Variants in B3GALT1 observed in about 807,000 individuals in gnomAD.
B3GALT1 encodes beta-1,3-galactosyltransferase 1, also known as UDP-Gal:betaGlcNAc beta 1,3-galactosyltransferase, polypeptide 1.
In B3GALT1, 10 loss-of-function variants were observed where a neutral mutation model predicts 23.2. That is an observed-to-expected ratio of 0.43 (90% CI 0.27 to 0.73). The LOEUF is 0.73. Among genes scored for constraint, B3GALT1 ranks in the 30% least tolerant of loss-of-function variants. B3GALT1 has a pLI of 0.21. For synonymous variants in B3GALT1, 156 were observed against 141.5 expected (o/e 1.10, Z -0.73); for missense variants, 299 against 405.4 (o/e 0.74, Z 2.25).
intron 2 of B3GALT1, among the ~76,000 whole-genome samples, chr2:167,591,463 A>T (rs1470054823): frequency 4.6e-5 from 7 of 151,916 alleles, no homozygotes; most frequent in Middle Eastern, 3.4e-3. Context: ...TACTTTAATT[A>T]ATTTATTTAT....
chr2:167,657,716 T>C (rs892493498), intron 3 of B3GALT1, among the ~76,000 whole-genome samples: 3 of 152,126 alleles, frequency 2.0e-5, no homozygotes, highest in African/African-American at 7.2e-5. Context: ...GGTACTGTGG[T>C]GTGTAAGGTT....
intron 3 of B3GALT1, among the ~76,000 whole-genome samples, chr2:167,688,514 T>G (rs1009114158): frequency 6.6e-6 from 1 of 151,966 alleles, no homozygotes; most frequent in Non-Finnish European, 1.5e-5. Context: ...AATAATGAAA[T>G]TTTTAAAACT....
At chr2:167,376,365 A>G (rs180925242) in intron 1 of B3GALT1, among the ~76,000 whole-genome samples, 1 of 152,140 alleles carries the variant, frequency 6.6e-6, no homozygotes, top group Non-Finnish European at 1.5e-5. Flanking sequence ...TTTGTAGAAT[A>G]AGTTAGGGAG....
At chr2:167,667,228 G>A (rs1396287683) in intron 3 of B3GALT1, among the ~76,000 whole-genome samples, 24 of 152,134 alleles carry the variant, frequency 1.6e-4, no homozygotes, top group Non-Finnish European at 2.5e-4. Flanking sequence ...TTGGCTGGAT[G>A]TGAAATTCTG....
At chr2:167,634,433 C>A (rs577239570) in intron 2 of B3GALT1, among the ~76,000 whole-genome samples, 6 of 152,024 alleles carry the variant, frequency 3.9e-5, no homozygotes, top group African/African-American at 7.2e-5. Flanking sequence ...AAAAGTTCAA[C>A]AAAATTGATA....
chr2:167,716,723 A>G (rs749702761), intron 3 of B3GALT1, among the ~76,000 whole-genome samples: 16 of 152,176 alleles, frequency 1.1e-4, no homozygotes, highest in Non-Finnish European at 1.9e-4. Context: ...TGTTTTCTGT[A>G]TCAATTCTTG....
intron 3 of B3GALT1, among the ~76,000 whole-genome samples, chr2:167,668,628 C>T (rs949706985): frequency 3.3e-5 from 5 of 152,174 alleles, no homozygotes; most frequent in Admixed American, 2.6e-4. Flanking sequence ...ACCCTCCAAG[C>T]CATGTGGGGG....
intron 3 of B3GALT1, among the ~76,000 whole-genome samples, chr2:167,767,684 C>T (rs1246940548): frequency 1.3e-5 from 2 of 152,122 alleles, no homozygotes; most frequent in Non-Finnish European, 2.9e-5. Flanking sequence ...CTAGCAGTTT[C>T]TTTGAATTTA....
chr2:167,574,857 C>A (rs1310659778), intron 2 of B3GALT1, among the ~76,000 whole-genome samples: 1 of 151,742 alleles, frequency 6.6e-6, no homozygotes, highest in Non-Finnish European at 1.5e-5. Context: ...ATTAATCATT[C>A]TGGCAACAGT....
chr2:167,769,899 TGA>T (rs1344112756), intron 3 of B3GALT1, among the ~76,000 whole-genome samples: 2 of 152,242 alleles, frequency 1.3e-5, no homozygotes, highest in Admixed American at 1.3e-4. Flanking sequence ...TAATTTCATT[TGA>T]AATATGTAGG....
At chr2:167,506,194 T>A (rs1348839838) in intron 2 of B3GALT1, among the ~76,000 whole-genome samples, 1 of 152,214 alleles carries the variant, frequency 6.6e-6, no homozygotes, top group African/African-American at 2.4e-5. Context: ...TGCACACCTC[T>A]GTTTTCATAT....
At chr2:167,618,791 C>A (rs755860373) in intron 2 of B3GALT1, among the ~76,000 whole-genome samples, 1 of 151,854 alleles carries the variant, frequency 6.6e-6, no homozygotes, top group Non-Finnish European at 1.5e-5. Context: ...TGATTAGATT[C>A]AAGTTAATAT....
rs542225148 is a variant in B3GALT1 at position 167,552,191 on chromosome 2, G to C, written c.-410+61914G>C. 2.0e-5 allele frequency among the ~76,000 whole-genome samples: 3 copies of C among 152,030 alleles called. No homozygotes were observed. In the East Asian group the frequency reaches 5.8e-4, roughly 29 times the overall value. On this transcript the variant is annotated intron_variant, in intron 2 of 4. Coordinates refer to ENST00000392690, the MANE Select transcript of B3GALT1 (RefSeq NM_020981.4). Reference sequence around the variant, plus strand: ...TGACCTTGAGAGTCTTCACATCTTCGACCCTGCATTGTCTCATCTGTAAAA... The same window carrying C: ...TGACCTTGAGAGTCTTCACATCTTCCACCCTGCATTGTCTCATCTGTAAAA...
intron 3 of B3GALT1, among the ~76,000 whole-genome samples, chr2:167,692,302 T>C (rs1397432117): frequency 6.6e-6 from 1 of 152,150 alleles, no homozygotes; most frequent in African/African-American, 2.4e-5. Flanking sequence ...CTCTTTCTTC[T>C]ATGTGTTTAA....
chr2:167,846,302 T>C (rs1372122637), intron 4 of B3GALT1, among the ~76,000 whole-genome samples: 1 of 152,098 alleles, frequency 6.6e-6, no homozygotes, highest in Non-Finnish European at 1.5e-5. Flanking sequence ...TGTCATCAGG[T>C]TACCTAAAGA....
chr2:167,545,064 T>C (rs1164053839), intron 2 of B3GALT1, among the ~76,000 whole-genome samples: 2 of 115,696 alleles, frequency 1.7e-5, no homozygotes, highest in African/African-American at 7.0e-5. Flanking sequence ...TGAGACAGTC[T>C]CGCTCTGTCG....
intron 3 of B3GALT1, among the ~76,000 whole-genome samples, chr2:167,722,970 C>A (rs1257334961): frequency 6.6e-6 from 1 of 152,112 alleles, no homozygotes; most frequent in Non-Finnish European, 1.5e-5. Context: ...ATTGAAAGGT[C>A]TAAATTCCTT....
intron 4 of B3GALT1, among the ~76,000 whole-genome samples, chr2:167,858,094 G>C (rs1385026507): frequency 6.6e-6 from 1 of 152,044 alleles, no homozygotes; most frequent in African/African-American, 2.4e-5. Context: ...TATTCGGAAG[G>C]CTATTTAAAT....
intron 1 of B3GALT1, among the ~76,000 whole-genome samples, chr2:167,489,883 A>G (rs1353459024): frequency 6.6e-6 from 1 of 152,196 alleles, no homozygotes; most frequent in Non-Finnish European, 1.5e-5. Context: ...AAGTAAGCAA[A>G]TAATTGTGGA....
Sources: gnomAD v4.1 joint callset for allele counts (sites outside exome capture counted in the v4.1 genomes callset) on GRCh38, gnomAD v4.1.1 for gene constraint, MANE v1.5 for transcripts, NCBI Gene and HGNC (gene_info 2026-07-23, HGNC 2026-07-21) for gene names.